The following CNNM2 variants were observed in gnomAD, a reference collection of about 807,000 sequenced individuals.
The protein encoded by CNNM2 is cyclin and CBS domain divalent metal cation transport mediator 2.
In CNNM2, 12 loss-of-function variants were observed where a neutral mutation model predicts 66.9. The ratio of observed to expected loss-of-function variants is 0.18; its 90% CI spans 0.11 to 0.29. The LOEUF is 0.29. Among genes scored for constraint, CNNM2 ranks in the 10% least tolerant of loss-of-function variants. The probability of loss-of-function intolerance (pLI) is 1.00; values close to 1 mark genes in which losing one functional copy is unlikely to be tolerated. For synonymous variants in CNNM2, 557 were observed against 501.8 expected (o/e 1.11, Z -1.47); for missense variants, 705 against 1,167.7 (o/e 0.60, Z 5.77).
At chr10:103,022,005 A>T (rs993816617) in intron 1 of CNNM2, among the ~76,000 whole-genome samples, 1 of 152,200 alleles carries the variant, frequency 6.6e-6, no homozygotes, top group African/African-American at 2.4e-5. Context: ...AGTTCTGTTC[A>T]TCTTTGATGA....
At chr10:102,955,481 A>G (rs1394202332) in intron 1 of CNNM2, among the ~76,000 whole-genome samples, 1 of 152,244 alleles carries the variant, frequency 6.6e-6, no homozygotes. Flanking sequence ...CTTCATGACT[A>G]AAACACCAAA....
At chr10:102,964,329 A>C (rs368364868) in intron 1 of CNNM2, among the ~76,000 whole-genome samples, 1 of 151,928 alleles carries the variant, frequency 6.6e-6, no homozygotes, top group East Asian at 1.9e-4. Context: ...CCCAGGTTCA[A>C]GTGATTCTCC....
At chr10:102,984,495 C>T (rs972323804) in intron 1 of CNNM2, among the ~76,000 whole-genome samples, 41 of 152,114 alleles carry the variant, frequency 2.7e-4, no homozygotes, top group African/African-American at 9.2e-4. Flanking sequence ...AGTGATGGCT[C>T]CAGGTCTTCA....
At chr10:102,953,930 C>G (rs1445234538) in intron 1 of CNNM2, among the ~76,000 whole-genome samples, 3 of 152,036 alleles carry the variant, frequency 2.0e-5, no homozygotes, top group Non-Finnish European at 4.4e-5. Context: ...TAACAACAGC[C>G]CAGTGAAGCC....
chr10:102,952,548 A>G (rs1846879739), intron 1 of CNNM2, among the ~76,000 whole-genome samples: 1 of 151,558 alleles, frequency 6.6e-6, no homozygotes, highest in African/African-American at 2.4e-5. Context: ...TGGGTGACAG[A>G]GTGAGACTCC....
At chr10:103,034,821 C>CCGGGCGCGGTGG (rs1481111636) in intron 1 of CNNM2, among the ~76,000 whole-genome samples, 3 of 151,824 alleles carry the variant, frequency 2.0e-5, no homozygotes. Context: ...AAAAAATTAG[C>CCGGGCGCGGTGG]CGGGCGCGGT....
intron 1 of CNNM2, among the ~76,000 whole-genome samples, chr10:103,038,889 G>A (rs1465280793): frequency 6.6e-6 from 1 of 151,936 alleles, no homozygotes; most frequent in African/African-American, 2.4e-5. Flanking sequence ...TGTTTATATA[G>A]GACTATTTTA....
intron 4 of CNNM2, among the ~76,000 whole-genome samples, chr10:103,059,416 C>T (rs2065347552): frequency 6.6e-6 from 1 of 152,124 alleles, no homozygotes; most frequent in Non-Finnish European, 1.5e-5. Context: ...AATAGAAACA[C>T]ATCATTTTTT....
intron 2 of CNNM2, among the ~76,000 whole-genome samples, chr10:103,053,834 T>G (rs2065254624): frequency 1.3e-5 from 2 of 152,146 alleles, no homozygotes; most frequent in African/African-American, 4.8e-5. Flanking sequence ...TCATGTTTGT[T>G]TCTTAAGGGG....
rs746383933 is a variant in CNNM2, at chr10:103,049,859, C to T, written c.1765+9C>T. The T allele has an allele frequency of 3.1e-6, 5 of 1,611,602 alleles. No individual in the cohort carries two copies. The highest frequency in any genetic ancestry group is 4.2e-6 in the Non-Finnish European group (5 of 1,178,534). ...TGAAACAGATTTATACAGTAAGTAGCATTGTCTGAGTGTATTTCCCGAAAC... is the reference window on the plus strand; with the variant it reads ...TGAAACAGATTTATACAGTAAGTAGTATTGTCTGAGTGTATTTCCCGAAAC... On this transcript the variant is annotated intron_variant, in intron 2 of 7. Coordinates refer to ENST00000369878, the MANE Select transcript of CNNM2 (RefSeq NM_017649.5).
chr10:102,925,236 T>TTTC, intron 1 of CNNM2, among the ~76,000 whole-genome samples: 1 of 128,170 alleles, frequency 7.8e-6, no homozygotes, highest in East Asian at 2.4e-4. Context: ...GCGGAGGCTG[T>TTTC]GGTGAACTGA....
Position 103,076,316 on chromosome 10 carries a change from C to T in CNNM2, c.2418+46C>T, listed in dbSNP as rs910713881. Reference sequence around the variant, plus strand: ...GTGGCTGGACCTGGCAGTTAGTTGTCAACTTCCCTGGCAAATTGTCTGTTT... The same window carrying T: ...GTGGCTGGACCTGGCAGTTAGTTGTTAACTTCCCTGGCAAATTGTCTGTTT... On this transcript the variant is annotated intron_variant, in intron 7 of 7. Coordinates refer to ENST00000369878, the MANE Select transcript of CNNM2 (RefSeq NM_017649.5). 5.2e-6 allele frequency: 8 copies of T among 1,533,626 alleles called. No individual in the cohort carries two copies. The Admixed American group carries it at 7.9e-5, about 15-fold the overall frequency.
intron 5 of CNNM2, 67 bp downstream of exon 5, chr10:103,068,789 T>C: frequency 7.8e-7 from 1 of 1,276,342 alleles, no homozygotes; most frequent in South Asian, 1.4e-5. Flanking sequence ...TCTCCTTTCA[T>C]CTTGCTTTCT....
At position 103,054,544 on chromosome 10, in the gene CNNM2, TTG is replaced by T; in HGVS notation, c.1903+79_1903+80del. The T allele has an allele frequency of 6.6e-7, 1 of 1,509,050 alleles. No individual in the cohort carries two copies. Among genetic ancestry groups the T allele is most frequent in the Non-Finnish European group, 9.0e-7 (1 of 1,106,558 alleles). The allele number at this position is 1,509,050 out of a possible 1,614,324, so 93.5% of individuals were successfully genotyped here. On this transcript the variant is annotated intron_variant, in intron 3 of 7. Transcript: ENST00000369878. The surrounding 1 kb of genome is among the most constrained non-coding windows in gnomAD (Gnocchi z 5.2). ...CTCACCCACCACTGACTGGGGTGGG[TTG>T]GGGGTGGACACTGGGAAATGGGGTG...
At chr10:103,000,266 TAAATAAATA>T (rs2064093648) in intron 1 of CNNM2, among the ~76,000 whole-genome samples, 1 of 150,764 alleles carries the variant, frequency 6.6e-6, no homozygotes, top group African/African-American at 2.4e-5. Flanking sequence ...AATAAATAAA[TAAATAAATA>T]AATAAATAAA....
intron 1 of CNNM2, among the ~76,000 whole-genome samples, chr10:102,992,681 G>A (rs970095115): frequency 3.9e-5 from 6 of 152,102 alleles, no homozygotes; most frequent in African/African-American, 1.4e-4. Context: ...ACTTGTGAAT[G>A]GGAATGTGAT....
chr10:102,941,591 T>C (rs1846436294), intron 1 of CNNM2, among the ~76,000 whole-genome samples: 1 of 152,210 alleles, frequency 6.6e-6, no homozygotes, highest in African/African-American at 2.4e-5. Context: ...CCTTGGAGCC[T>C]GTGTTGTTGC....
intron 1 of CNNM2, among the ~76,000 whole-genome samples, chr10:103,049,239 C>T (rs186682187): frequency 6.4e-4 from 98 of 152,308 alleles, no homozygotes; most frequent in Non-Finnish European, 8.5e-4. Context: ...GCTCCCACTA[C>T]GTTCATCTGT....
chr10:103,062,302 CCCT>C (rs1240024734), intron 4 of CNNM2, among the ~76,000 whole-genome samples: 1 of 152,088 alleles, frequency 6.6e-6, no homozygotes, highest in African/African-American at 2.4e-5. Flanking sequence ...ATTTATACAG[CCCT>C]TGAAATACTT....
Sources: allele counts gnomAD v4.1 joint callset (sites outside exome capture counted in the v4.1 genomes callset), GRCh38; gene constraint gnomAD v4.1.1; non-coding constraint Gnocchi (gnomAD v3.1); transcripts MANE v1.5; gene names NCBI Gene and HGNC (gene_info 2026-07-23, HGNC 2026-07-21).